The following TTC3 variants were observed in gnomAD, a reference collection of about 807,000 sequenced individuals.
TTC3 encodes tetratricopeptide repeat domain 3, also known as E3 ubiquitin-protein ligase TTC3.
Under a neutral mutation model 249.6 loss-of-function variants are expected in TTC3, and 180 were observed. The ratio of observed to expected loss-of-function variants is 0.72; its 90% CI spans 0.64 to 0.82. The LOEUF (loss-of-function observed/expected upper bound fraction) is 0.82. Among genes scored for constraint, TTC3 ranks in the 40% least tolerant of loss-of-function variants. The pLI, the probability that TTC3 is intolerant of heterozygous loss-of-function variation, is 0.00. For missense variants in TTC3, 2,061 were observed against 2,398.4 expected (o/e 0.86, Z 2.94); for synonymous variants, 717 against 805.0 (o/e 0.89, Z 1.85).
intron 9 of TTC3, among the ~76,000 whole-genome samples, chr21:37,095,716 T>C (rs976371950): frequency 6.6e-6 from 1 of 152,240 alleles, no homozygotes; most frequent in African/African-American, 2.4e-5. Context: ...TCTTTTGTCT[T>C]GTTCTCATTT....
At chr21:37,082,725 T>C (rs549416710) in intron 1 of TTC3, 2 of 985,002 alleles carry the variant, frequency 2.0e-6, no homozygotes, top group Non-Finnish European at 2.4e-6. Flanking sequence ...TTTTTTTTTT[T>C]AATCTAGGAT....
exon 42 of TTC3, chr21:37,195,754 A>G (rs781400178): frequency 1.2e-6 from 2 of 1,613,844 alleles, no homozygotes; most frequent in Non-Finnish European, 1.7e-6. Context: ...GTGACTGGAA[A>G]CCACGCAGCA....
chr21:37,103,368 G>A (rs764632179), intron 10 of TTC3, among the ~76,000 whole-genome samples: 4 of 152,068 alleles, frequency 2.6e-5, no homozygotes, highest in African/African-American at 7.2e-5. Flanking sequence ...GTAAATAACC[G>A]TTTGCATCTG....
At chr21:37,148,513 A>T in intron 22 of TTC3, 33 bp from the exon 23 acceptor site, 1 of 1,314,154 alleles carries the variant, frequency 7.6e-7, no homozygotes, top group Non-Finnish European at 1.0e-6. Context: ...GACATCTTTA[A>T]AACGTTAATT....
Position 37,191,426 on chromosome 21 carries a change from T to C in TTC3, c.5115+2T>C, listed in dbSNP as rs756137331. 6.4e-7 allele frequency: 1 copy of C among 1,557,494 alleles called. No individual in the cohort carries two copies. The highest frequency in any genetic ancestry group is 8.7e-7 in the Non-Finnish European group (1 of 1,151,306). ...ACAAAAGAAATTGAGAAAGCAAAGGTAAGTTGTAAACATCTTTTAATCCCA... is the reference window on the plus strand; with the variant it reads ...ACAAAAGAAATTGAGAAAGCAAAGGCAAGTTGTAAACATCTTTTAATCCCA... On this transcript the variant is annotated splice_donor_variant, in intron 40 of 45. Coordinates refer to ENST00000355666, the Ensembl canonical transcript of TTC3. LOFTEE classifies it high-confidence loss of function.
chr21:37,135,706 A>C (rs1043235996), intron 18 of TTC3, among the ~76,000 whole-genome samples, 192 bp downstream of exon 18: 1 of 152,174 alleles, frequency 6.6e-6, no homozygotes, highest in African/African-American at 2.4e-5. Context: ...TATGTGATCC[A>C]TGTTTATATT....
At position 37,197,260 on chromosome 21, in the gene TTC3, A is replaced by ATGG. The variant is rs2085018870; in HGVS notation, c.5580-307_5580-305dup. 3.9e-5 allele frequency among the ~76,000 whole-genome samples: 6 copies of ATGG among 152,220 alleles called. No homozygotes were observed. In the South Asian group the frequency reaches 1.2e-3, roughly 32 times the overall value. On this transcript the variant is annotated intron_variant, in intron 42 of 45. Transcript: ENST00000355666. The stretch of plus-strand genomic sequence containing the variant: ...GGAGTTCGGGACCAGCCTGACCAAC[A>ATGG]TGGTGAAACCCCATCTCTTCTTAAA...
chr21:37,108,555 A>G (rs1174581289), intron 11 of TTC3, 109 bp downstream of exon 11: 1 of 1,071,480 alleles, frequency 9.3e-7, no homozygotes. Context: ...AATTACGTAG[A>G]GCTCCAGAAT....
At chr21:37,106,330 A>G (rs2147785605) in intron 10 of TTC3, among the ~76,000 whole-genome samples, 1 of 152,216 alleles carries the variant, frequency 6.6e-6, no homozygotes, top group East Asian at 1.9e-4. Context: ...AGATATATGT[A>G]TTGCAAATAT....
rs1261458576 is a variant in TTC3, at chr21:37,140,692, A to G, written c.1772+19A>G. On this transcript the variant is annotated intron_variant, in intron 20 of 45. Transcript: ENST00000355666. Reference sequence around the variant, plus strand: ...AAAACAGGTTAGTAGAAATGACACTACTTTAAGCTCTAGGCTGGTAACTCA... The same window carrying G: ...AAAACAGGTTAGTAGAAATGACACTGCTTTAAGCTCTAGGCTGGTAACTCA... The G allele has an allele frequency of 2.0e-6, 3 of 1,531,562 alleles. No homozygotes were observed. Among genetic ancestry groups the G allele is most frequent in the South Asian group, 2.4e-5 (2 of 84,342 alleles). 94.9% of individuals were successfully genotyped at this position (1,531,562 alleles called of 1,614,324 possible). A position where few individuals can be genotyped will look rare whatever the true frequency, so the allele number is the denominator to read the frequency against.
chr21:37,152,379 G>GTTTT (rs5843795), intron 26 of TTC3, among the ~76,000 whole-genome samples: 2 of 139,296 alleles, frequency 1.4e-5, no homozygotes, highest in African/African-American at 2.7e-5. Context: ...GAACTAAGTT[G>GTTTT]TTTTTTTTTT....
chr21:37,155,458 T>G (rs2079960923), intron 27 of TTC3, among the ~76,000 whole-genome samples: 3 of 152,184 alleles, frequency 2.0e-5, no homozygotes, highest in Admixed American at 2.0e-4. Context: ...CATAAATCTT[T>G]TATTGTGTGA....
At chr21:37,120,930 C>G (rs1362810727) in intron 11 of TTC3, among the ~76,000 whole-genome samples, 1 of 152,062 alleles carries the variant, frequency 6.6e-6, no homozygotes, top group African/African-American at 2.4e-5. Context: ...AATCAGGGTT[C>G]TTTGGTTTGC....
At chr21:37,195,601 C>T (rs2835659) in intron 41 of TTC3, 74 bp from the exon 42 acceptor site, 727,404 of 1,514,288 alleles carry the variant, frequency 0.48, 177,558 homozygotes, top group African/African-American at 0.64. Flanking sequence ...ATTTATTCAT[C>T]GGCCTTTGTC....
chr21:37,105,303 T>TA (rs760686199), intron 10 of TTC3, among the ~76,000 whole-genome samples: 16 of 152,130 alleles, frequency 1.1e-4, no homozygotes, highest in Non-Finnish European at 1.8e-4. Flanking sequence ...TGAGTCTCTT[T>TA]AAATGGTAAA....
chr21:37,120,222 A>T (rs1232302519), intron 11 of TTC3, among the ~76,000 whole-genome samples: 1 of 152,174 alleles, frequency 6.6e-6, no homozygotes, highest in Non-Finnish European at 1.5e-5. Context: ...AGAGAATGAG[A>T]TAGTGAAAAG....
At chr21:37,094,335 C>G (rs1915047725) in intron 8 of TTC3, among the ~76,000 whole-genome samples, 1 of 152,110 alleles carries the variant, frequency 6.6e-6, no homozygotes, top group East Asian at 1.9e-4. Context: ...TCTTTGGTAA[C>G]AGCTGAGATG....
intron 44 of TTC3, 95 bp from the exon 45 acceptor site, chr21:37,200,137 G>A (rs2085344706): frequency 9.0e-7 from 1 of 1,115,632 alleles, no homozygotes; most frequent in African/African-American, 1.6e-5. Context: ...CACCCTTTGT[G>A]GCAGAAGATG....
exon 8 of TTC3, chr21:37,094,073 T>C: frequency 6.3e-7 from 1 of 1,599,864 alleles, no homozygotes; most frequent in South Asian, 1.1e-5. Flanking sequence ...AACTCAAAGT[T>C]GTATGGATTG....
Sources: gnomAD v4.1 joint callset for allele counts (sites outside exome capture counted in the v4.1 genomes callset) on GRCh38, gnomAD v4.1.1 for gene constraint, MANE v1.5 for transcripts, NCBI Gene and HGNC (gene_info 2026-07-23, HGNC 2026-07-21) for gene names.